The following TRIM37 variants were observed in gnomAD, a reference collection of about 807,000 sequenced individuals.
The protein encoded by TRIM37 is E3 ubiquitin-protein ligase TRIM37.
In TRIM37, 80 loss-of-function variants were observed where a neutral mutation model predicts 129.8. That is an observed-to-expected ratio of 0.62 (90% CI 0.51 to 0.74). TRIM37 has a LOEUF of 0.74. TRIM37 is among the 30% of genes least tolerant of loss of function. The pLI, the probability that TRIM37 is intolerant of heterozygous loss-of-function variation, is 0.00. For synonymous variants in TRIM37, 389 were observed against 387.1 expected (o/e 1.00, Z -0.06); for missense variants, 1,054 against 1,176.5 (o/e 0.90, Z 1.52).
the TRIM37 span, chr17:58,972,334 T>A: frequency 6.5e-7 from 1 of 1,540,714 alleles, no homozygotes; most frequent in Non-Finnish European, 8.8e-7. Context: ...GATTTTCTAG[T>A]TATTGATTAG....
intron 2 of TRIM37, among the ~76,000 whole-genome samples, chr17:59,094,289 T>G (rs537281123): frequency 6.6e-6 from 1 of 152,286 alleles, no homozygotes; most frequent in South Asian, 2.1e-4. Flanking sequence ...AAAGAACCAG[T>G]GGTACAATAT....
At chr17:59,036,445 GGGGTGTGTGTGTGT>G (rs2038495612) in intron 17 of TRIM37, among the ~76,000 whole-genome samples, 1 of 117,542 alleles carries the variant, frequency 8.5e-6, no homozygotes, top group African/African-American at 3.4e-5. Flanking sequence ...GTATTTGCTG[GGGGTGTGTGTGTGT>G]GTGTGTGTGT....
At chr17:59,036,327 A>G (rs2145743445) in intron 17 of TRIM37, among the ~76,000 whole-genome samples, 1 of 152,304 alleles carries the variant, frequency 6.6e-6, no homozygotes, top group Admixed American at 6.5e-5. Flanking sequence ...TTGAAGTTAA[A>G]TGAAAGACAA....
intron 19 of TRIM37, among the ~76,000 whole-genome samples, chr17:59,025,414 C>A (rs1213162997): frequency 6.6e-6 from 1 of 150,746 alleles, no homozygotes; most frequent in African/African-American, 2.4e-5. Flanking sequence ...ATATTCATGT[C>A]ATGAATGTTA....
intron 5 of TRIM37, among the ~76,000 whole-genome samples, chr17:59,082,356 G>C (rs1445685358): frequency 4.6e-5 from 7 of 152,126 alleles, no homozygotes; most frequent in African/African-American, 7.2e-5. Context: ...CTCATCCTTT[G>C]CACTTAGCTC....
At chr17:59,016,396 C>CAAA (rs57120937) in intron 20 of TRIM37, among the ~76,000 whole-genome samples, 1 of 55,316 alleles carries the variant, frequency 1.8e-5, no homozygotes, top group Non-Finnish European at 3.7e-5. Context: ...AACTCCATCT[C>CAAA]AAAAAAAAAA....
rs2041446249 is a variant in TRIM37, at chr17:59,061,047, A to G, written c.1004T>C (p.Leu335Ser). The stretch of plus-strand genomic sequence containing the variant: ...CACTTCTTACTTAGAAGTTTCAGGC[A>G]AGCCAGCTGAGAGCTCCAGAAACAC... ...LSVFLELSAG[L>S]PETSKYEYRV... The change falls in exon 12 of 24, where the codon TTG becomes TCG. Residue 335 changes from leucine (L) to serine (S), a missense_variant. Leu to Ser is a moderately radical substitution (Grantham distance 145, BLOSUM62 -2). Around this residue, in one of 3 missense-constraint regions of TRIM37, gnomAD observed 752 missense variants for 870.8 expected, o/e 0.86. Coordinates refer to ENST00000262294, the MANE Select transcript of TRIM37 (RefSeq NM_015294.6). 1 of 1,613,484 alleles carries G rather than the reference A, an allele frequency of 6.2e-7. No individual in the cohort carries two copies. The highest frequency in any genetic ancestry group is 8.5e-7 in the Non-Finnish European group (1 of 1,179,632).
At chr17:59,060,092 G>A (rs1325848683) in intron 12 of TRIM37, among the ~76,000 whole-genome samples, 1 of 152,088 alleles carries the variant, frequency 6.6e-6, no homozygotes, top group Non-Finnish European at 1.5e-5. Context: ...CTCCTCTCTG[G>A]TATTTTGTCC....
In TRIM37 at chr17:59,012,466, T is replaced by C. The variant is rs1472502486; in HGVS notation, c.2577-20A>G. On this transcript the variant is annotated intron_variant, in intron 21 of 23. Transcript: ENST00000262294. ...TTAGCCCTCAAAGAAGAAAACAACT[T>C]GATATTTCTCTATAACTAGTGACAC... The C allele has an allele frequency of 1.4e-6, 2 of 1,479,562 alleles. No individual in the cohort carries two copies. Among genetic ancestry groups the C allele is most frequent in the African/African-American group, 2.8e-5 (2 of 72,438 alleles). The allele number at this position is 1,479,562 out of a possible 1,614,324, so 91.7% of individuals were successfully genotyped here.
intron 24 of TRIM37, among the ~76,000 whole-genome samples, chr17:58,989,736 A>C (rs2032170228): frequency 6.6e-6 from 1 of 152,210 alleles, no homozygotes; most frequent in Non-Finnish European, 1.5e-5. Context: ...TAATATACAA[A>C]AGCTGTGGGA....
chr17:59,086,925 C>A (rs1007012399), intron 4 of TRIM37, among the ~76,000 whole-genome samples: 1 of 152,148 alleles, frequency 6.6e-6, no homozygotes, highest in Admixed American at 6.5e-5. Flanking sequence ...AAAGGTCTTT[C>A]CAAACAGTAA....
chr17:58,981,588 ATCAGTG>A (rs1490232440), downstream of TRIM37: 1 of 152,706 alleles, frequency 6.5e-6, no homozygotes, highest in African/African-American at 2.4e-5. Flanking sequence ...AAAGTGGTAA[ATCAGTG>A]TAAAAGTGTC....
intron 7 of TRIM37, among the ~76,000 whole-genome samples, chr17:59,079,412 C>T (rs1462489566): frequency 6.6e-6 from 1 of 152,146 alleles, no homozygotes; most frequent in Non-Finnish European, 1.5e-5. Flanking sequence ...ATGTCAGTTT[C>T]TTCATCCCCA....
intron 19 of TRIM37, among the ~76,000 whole-genome samples, chr17:59,018,356 T>C (rs1049286620): frequency 3.3e-5 from 5 of 151,940 alleles, no homozygotes; most frequent in Admixed American, 2.0e-4. Flanking sequence ...AAAATAAAAT[T>C]GTAAAAAACA....
intron 1 of TRIM37, among the ~76,000 whole-genome samples, chr17:59,105,322 C>T (rs1261425023): frequency 1.3e-5 from 2 of 152,122 alleles, no homozygotes; most frequent in African/African-American, 4.8e-5. Flanking sequence ...AACAGACTAG[C>T]TACTTATTTG....
chr17:59,087,271 T>C (rs1470874407), intron 4 of TRIM37, among the ~76,000 whole-genome samples: 1 of 151,914 alleles, frequency 6.6e-6, no homozygotes, highest in Non-Finnish European at 1.5e-5. Flanking sequence ...AATTTTTGTA[T>C]TTTTAGTAGA....
intron 17 of TRIM37, among the ~76,000 whole-genome samples, chr17:59,037,357 G>A (rs1248165821): frequency 1.3e-5 from 2 of 151,716 alleles, no homozygotes; most frequent in Non-Finnish European, 2.9e-5. Context: ...AGGAGATCGA[G>A]ACCATCCTGG....
chr17:59,052,371 A>ATC (rs1410503840), intron 13 of TRIM37, among the ~76,000 whole-genome samples: 2 of 152,126 alleles, frequency 1.3e-5, no homozygotes, highest in Non-Finnish European at 2.9e-5. Context: ...GGACATCTAC[A>ATC]TCTCTCTCAT....
At chr17:59,106,392 C>A in intron 1 of TRIM37, 49 bp downstream of exon 1, 1 of 1,613,034 alleles carries the variant, frequency 6.2e-7, no homozygotes, top group Non-Finnish European at 8.5e-7. Context: ...ATAAAAACCG[C>A]TCATCGGGTG....
Sources: gnomAD v4.1 joint callset for allele counts (sites outside exome capture counted in the v4.1 genomes callset) on GRCh38, gnomAD v4.1.1 for gene constraint, gnomAD v4.1.1 regional missense constraint, MANE v1.5 for transcripts, NCBI Gene and HGNC (gene_info 2026-07-23, HGNC 2026-07-21) for gene names.